Variants in IQGAP2 observed in about 807,000 individuals in gnomAD.
IQGAP2 encodes the protein IQ motif containing GTPase activating protein 2.
In IQGAP2, 173 loss-of-function variants were observed where a neutral mutation model predicts 201.3. The observed-to-expected ratio is 0.86, with a 90% confidence interval of 0.76 to 0.98. IQGAP2 has a LOEUF of 0.98. Among genes scored for constraint, IQGAP2 ranks in the 50% least tolerant of loss-of-function variants. The pLI is 0.00. For synonymous variants in IQGAP2, 675 were observed against 673.9 expected (o/e 1.00, Z -0.03); for missense variants, 1,687 against 1,864.8 (o/e 0.90, Z 1.76).
At position 76,674,017 on chromosome 5, in the gene IQGAP2, C is replaced by G. The variant is rs1477514527; in HGVS notation, c.3275C>G (p.Thr1092Arg). ...ATCCATGAGAAATTCCCCGATGCAA[C>G]AGAAGATGAGCTATTAAAGGTAGAT... is the stretch of plus-strand genomic sequence containing the variant. ...NSIHEKFPDA[T>R]EDELLKIVGN... Residue 1092 changes from threonine to arginine, a missense_variant, in exon 26 of 36, where the codon ACA becomes AGA. By Grantham distance (71) the Thr-to-Arg change is moderately conservative (BLOSUM62 -1). Coordinates refer to ENST00000274364, the MANE Select transcript of IQGAP2 (RefSeq NM_006633.5). The G allele has an allele frequency of 6.2e-7, 1 of 1,605,142 alleles. No homozygotes were observed. Among genetic ancestry groups the G allele is most frequent in the South Asian group, 1.1e-5 (1 of 90,886 alleles).
At position 76,601,205 on chromosome 5, in the gene IQGAP2, G is replaced by A. The variant is rs115833771; in HGVS notation, c.1232+233G>A. 8.0e-3 allele frequency among the ~76,000 whole-genome samples: 1,223 copies of A among 152,296 alleles called. 16 individuals are homozygous for A. Among genetic ancestry groups the A allele is most frequent in the African/African-American group, 0.027 (1,135 of 41,568 alleles). On this transcript the variant is annotated intron_variant, in intron 11 of 35. Transcript: ENST00000274364. ...GTGGCAATTAATAAATGACTTTGTC[G>A]TTGGCAAAGATTATTTGATAGGCTG...
intron 22 of IQGAP2, among the ~76,000 whole-genome samples, chr5:76,667,214 T>A (rs1163707314): frequency 2.0e-5 from 3 of 152,214 alleles, no homozygotes; most frequent in Non-Finnish European, 4.4e-5. Flanking sequence ...CTAATTCCTA[T>A]ATACTTCACA....
intron 2 of IQGAP2, among the ~76,000 whole-genome samples, chr5:76,509,051 GTGTGTGTA>G (rs1474385435): frequency 1.0e-3 from 128 of 123,372 alleles, no homozygotes; most frequent in African/African-American, 3.9e-3. Context: ...GTGTGTGTGT[GTGTGTGTA>G]TGTATGTATG....
chr5:76,706,207 C>T (rs539147099), intron 35 of IQGAP2, among the ~76,000 whole-genome samples: 1 of 152,060 alleles, frequency 6.6e-6, no homozygotes, highest in African/African-American at 2.4e-5. Context: ...TATTATATAC[C>T]AAAAAAGTCC....
At chr5:76,487,091 T>G (rs1307736915) in intron 2 of IQGAP2, among the ~76,000 whole-genome samples, 2 of 107,324 alleles carry the variant, frequency 1.9e-5, no homozygotes, top group Non-Finnish European at 4.4e-5. Flanking sequence ...TTTATTGGTA[T>G]TTCTTTCTTT....
intron 35 of IQGAP2, 140 bp from the exon 36 acceptor site, chr5:76,707,060 C>G: frequency 1.7e-6 from 1 of 602,634 alleles, no homozygotes; most frequent in South Asian, 2.0e-5. Context: ...AGTTTGAGAC[C>G]AACCTGGGCA....
Position 76,601,027 on chromosome 5 carries a change from C to T in IQGAP2, c.1232+55C>T. 5.1e-6 allele frequency: 8 copies of T among 1,555,056 alleles called. No individual in the cohort carries two copies. In the South Asian group the frequency reaches 9.2e-5, roughly 18 times the overall value. On this transcript the variant is annotated intron_variant, in intron 11 of 35. Transcript: ENST00000274364. The stretch of plus-strand genomic sequence containing the variant: ...ATGCAGAAATGCATGTTTGGCAGAT[C>T]TTAAAAGTGAGGAATTTGCCTGTTG...
intron 5 of IQGAP2, among the ~76,000 whole-genome samples, chr5:76,587,679 A>C (rs1746343779): frequency 6.6e-6 from 1 of 152,164 alleles, no homozygotes; most frequent in South Asian, 2.1e-4. Flanking sequence ...TTGGCCAGAC[A>C]CGATGGCTCA....
At chr5:76,486,656 A>G (rs1038935068) in intron 2 of IQGAP2, among the ~76,000 whole-genome samples, 2 of 152,076 alleles carry the variant, frequency 1.3e-5, no homozygotes, top group Non-Finnish European at 2.9e-5. Flanking sequence ...TTAAAAAAGG[A>G]TTTCTTTAAT....
rs751116830 is a variant in IQGAP2, at chr5:76,702,625, A to G, written c.4614+35A>G. On this transcript the variant is annotated intron_variant, in intron 35 of 35. Coordinates refer to ENST00000274364, the MANE Select transcript of IQGAP2 (RefSeq NM_006633.5). The stretch of plus-strand genomic sequence containing the variant: ...TGGAATTTCTGCACATTGATGATAA[A>G]TTTTATATGTGGATCATACATTGCT... 3 of 970,892 alleles carry G rather than the reference A, an allele frequency of 3.1e-6. No homozygotes were observed. The East Asian group carries it at 7.2e-5, about 23-fold the overall frequency. The allele number at this position is 970,892 out of a possible 1,614,324, so 60.1% of individuals were successfully genotyped here. A position where few individuals can be genotyped will look rare whatever the true frequency, so the allele number is the denominator to read the frequency against.
In IQGAP2 at chr5:76,668,937, C is replaced by A. The variant is rs765888188; in HGVS notation, c.2843+93C>A. On this transcript the variant is annotated intron_variant, in intron 23 of 35. Coordinates refer to ENST00000274364, the MANE Select transcript of IQGAP2 (RefSeq NM_006633.5). ...GATTTACTAAAATTATTTTTAAATT[C>A]TTATAAGTTATTCCCACATATTAAA... 6.4e-4 allele frequency: 469 copies of A among 729,474 alleles called. 1 individual carries two copies. Among genetic ancestry groups the A allele is most frequent in the Non-Finnish European group, 8.6e-4 (407 of 472,798 alleles). 45.2% of individuals were successfully genotyped at this position (729,474 alleles called of 1,614,324 possible). A position where few individuals can be genotyped will look rare whatever the true frequency, so the allele number is the denominator to read the frequency against.
At chr5:76,674,861 A>AGG (rs1180494338) in intron 27 of IQGAP2, 152 bp downstream of exon 27, 1 of 628,458 alleles carries the variant, frequency 1.6e-6, no homozygotes, top group African/African-American at 1.8e-5. Context: ...AAGAGGAGAG[A>AGG]GGGAAGTGCA....
chr5:76,573,992 T>C (rs1271202740), intron 4 of IQGAP2, among the ~76,000 whole-genome samples: 1 of 152,132 alleles, frequency 6.6e-6, no homozygotes, highest in Non-Finnish European at 1.5e-5. Context: ...TTTTTAAATT[T>C]CTTAGGCTAC....
At chr5:76,506,394 C>G (rs1757606775) in intron 2 of IQGAP2, among the ~76,000 whole-genome samples, 1 of 152,186 alleles carries the variant, frequency 6.6e-6, no homozygotes. Context: ...GTACTACTAT[C>G]TTTTTCCCTG....
At position 76,621,596 on chromosome 5, in the gene IQGAP2, G is replaced by A. The variant is rs141564806; in HGVS notation, c.1522-5814G>A. Among the ~76,000 whole-genome samples the A allele has an allele frequency of 1.8e-4, 27 of 152,270 alleles. No individual in the cohort carries two copies. In the East Asian group the frequency reaches 4.1e-3, roughly 23 times the overall value. The stretch of plus-strand genomic sequence containing the variant: ...AGCTGTTAAAACCAAGTGTTTGTCC[G>A]TTTTCAGAAAGTTTCTGGGATTTAG... On this transcript the variant is annotated intron_variant, in intron 13 of 35. Coordinates refer to ENST00000274364, the MANE Select transcript of IQGAP2 (RefSeq NM_006633.5).
chr5:76,682,373 A>C (rs977457688), intron 28 of IQGAP2, among the ~76,000 whole-genome samples: 2 of 152,170 alleles, frequency 1.3e-5, no homozygotes, highest in African/African-American at 4.8e-5. Flanking sequence ...ATGTTGTTTC[A>C]ATCTAATTAG....
At chr5:76,699,719 TTCTCTC>T in intron 33 of IQGAP2, among the ~76,000 whole-genome samples, 1 of 20,464 alleles carries the variant, frequency 4.9e-5, no homozygotes, top group Admixed American at 4.3e-4. Context: ...TTCTCTCTGT[TTCTCTC>T]TCTCTCTCTC....
chr5:76,489,703 G>A (rs939911457), intron 2 of IQGAP2, among the ~76,000 whole-genome samples: 1 of 152,204 alleles, frequency 6.6e-6, no homozygotes, highest in Non-Finnish European at 1.5e-5. Flanking sequence ...CTGACCTCAC[G>A]TGATCCATCC....
chr5:76,527,874 T>G (rs1759060186), intron 2 of IQGAP2, among the ~76,000 whole-genome samples: 1 of 152,242 alleles, frequency 6.6e-6, no homozygotes, highest in African/African-American at 2.4e-5. Context: ...GTATCCTGTA[T>G]TAACTTGCTA....
Sources: gnomAD v4.1 joint callset for allele counts (sites outside exome capture counted in the v4.1 genomes callset) on GRCh38, gnomAD v4.1.1 for gene constraint, MANE v1.5 for transcripts, NCBI Gene and HGNC (gene_info 2026-07-23, HGNC 2026-07-21) for gene names.